Variants in CARMIL1 observed in about 807,000 individuals in gnomAD.
CARMIL1 encodes the protein capping protein regulator and myosin 1 linker 1.
In CARMIL1, 90 loss-of-function variants were observed where a neutral mutation model predicts 177.1. The ratio of observed to expected loss-of-function variants is 0.51; its 90% CI spans 0.43 to 0.61. CARMIL1 has a LOEUF of 0.61. Ranked by LOEUF, CARMIL1 falls within the 20% of genes least tolerant of loss-of-function variation. The pLI, the probability that CARMIL1 is intolerant of heterozygous loss-of-function variation, is 0.00. For synonymous variants in CARMIL1, 577 were observed against 606.2 expected (o/e 0.95, Z 0.71); for missense variants, 1,380 against 1,667.0 (o/e 0.83, Z 3.00).
chr6:25,426,374 A>G, intron 3 of CARMIL1, 127 bp from the exon 4 acceptor site: 1 of 575,628 alleles, frequency 1.7e-6, no homozygotes, highest in South Asian at 2.8e-5. Flanking sequence ...GAAGATGCCC[A>G]GTGTCTTATT....
At chr6:25,451,986 G>GGGGGGGGGGGCCCC in intron 8 of CARMIL1, 2 of 112,670 alleles carry the variant, frequency 1.8e-5, no homozygotes, top group Non-Finnish European at 3.5e-5. Flanking sequence ...CTAGCATCTT[G>GGGGGGGGGGGCCCC]CCCCCCCCTC....
intron 35 of CARMIL1, among the ~76,000 whole-genome samples, chr6:25,607,150 C>CA (rs1296007042): frequency 6.7e-6 from 1 of 150,250 alleles, no homozygotes; most frequent in African/African-American, 2.5e-5. Flanking sequence ...CACCCTATCT[C>CA]AAAAAAACCA....
At chr6:25,333,050 G>T (rs1209545358) in intron 2 of CARMIL1, among the ~76,000 whole-genome samples, 1 of 152,138 alleles carries the variant, frequency 6.6e-6, no homozygotes, top group Non-Finnish European at 1.5e-5. Context: ...TGTGATTCCT[G>T]CTACGTGGAG....
At chr6:25,388,572 G>T (rs1416511829) in intron 2 of CARMIL1, among the ~76,000 whole-genome samples, 3 of 152,122 alleles carry the variant, frequency 2.0e-5, no homozygotes, top group Non-Finnish European at 4.4e-5. Context: ...CACCATGTTG[G>T]CCAGGCTGGT....
At chr6:25,604,265 A>G (rs11757420) in intron 33 of CARMIL1, among the ~76,000 whole-genome samples, 16,320 of 151,882 alleles carry the variant, frequency 0.11, 879 homozygotes, top group East Asian at 0.18. Flanking sequence ...TTTTGCAGAG[A>G]TGGGGGGTCT....
rs1156537387 is a variant in CARMIL1, at chr6:25,554,811, T to G, written c.2592+715T>G. ...CAATGTTTCCTTCAAGAAAAATAAT[T>G]CTTCAATGTTTTCTTAACTGTGCGG... On this transcript the variant is annotated intron_variant, in intron 28 of 36. Transcript: ENST00000329474. The surrounding 1 kb of genome is among the most constrained non-coding windows in gnomAD (Gnocchi z 4.6). 6.6e-6 allele frequency among the ~76,000 whole-genome samples: 1 copy of G among 152,204 alleles called. No homozygotes were observed. The highest frequency in any genetic ancestry group is 2.4e-5 in the African/African-American group (1 of 41,456).
At chr6:25,380,896 A>G (rs1031214404) in intron 2 of CARMIL1, among the ~76,000 whole-genome samples, 1 of 152,232 alleles carries the variant, frequency 6.6e-6, no homozygotes, top group African/African-American at 2.4e-5. Flanking sequence ...TAAAGTAGCA[A>G]GAAACCTGCA....
chr6:25,528,731 C>A, intron 23 of CARMIL1, 64 bp from the exon 24 acceptor site: 2 of 1,221,754 alleles, frequency 1.6e-6, no homozygotes, highest in Non-Finnish European at 2.4e-6. Flanking sequence ...GACTGTTTCA[C>A]TTATACTTTA....
chr6:25,460,180 A>T (rs1217827538), intron 8 of CARMIL1, among the ~76,000 whole-genome samples: 3 of 152,260 alleles, frequency 2.0e-5, no homozygotes. Flanking sequence ...AGTTGGTATC[A>T]GCACAGCAGT....
At chr6:25,323,420 CAAAAAAAAAA>C (rs11288797) in intron 2 of CARMIL1, among the ~76,000 whole-genome samples, 1 of 82,378 alleles carries the variant, frequency 1.2e-5, no homozygotes, top group Non-Finnish European at 2.4e-5. Context: ...CCTGTCTCTA[CAAAAAAAAAA>C]AAAAAAAAAA....
intron 29 of CARMIL1, chr6:25,563,432 A>G: frequency 1.0e-6 from 1 of 985,396 alleles, no homozygotes; most frequent in Non-Finnish European, 1.2e-6. Context: ...ATGTGAGAGA[A>G]CCTGCCTAAA....
intron 8 of CARMIL1, 46 bp from the exon 9 acceptor site, chr6:25,465,827 G>A (rs1405376243): frequency 9.2e-7 from 1 of 1,084,350 alleles, no homozygotes; most frequent in South Asian, 1.3e-5. Context: ...TGTCAGTGTA[G>A]CTACTGTAGG....
intron 2 of CARMIL1, among the ~76,000 whole-genome samples, chr6:25,303,522 C>G (rs1478397460): frequency 1.3e-5 from 2 of 152,214 alleles, no homozygotes; most frequent in East Asian, 3.8e-4. Context: ...CTCCATTTCT[C>G]TGTTCTTAGA....
At chr6:25,549,814 TATC>T (rs2151161998) in intron 26 of CARMIL1, among the ~76,000 whole-genome samples, 1 of 152,336 alleles carries the variant, frequency 6.6e-6, no homozygotes, top group East Asian at 1.9e-4. Flanking sequence ...CTGCGTTTCT[TATC>T]ATTAAGAACA....
chr6:25,302,337 G>C (rs1449586032), intron 2 of CARMIL1, among the ~76,000 whole-genome samples: 1 of 152,226 alleles, frequency 6.6e-6, no homozygotes, highest in African/African-American at 2.4e-5. Flanking sequence ...GGTTGGCTGA[G>C]TTCCATTAGG....
chr6:25,583,111 T>C (rs1166212812), intron 31 of CARMIL1, among the ~76,000 whole-genome samples: 1 of 152,230 alleles, frequency 6.6e-6, no homozygotes, highest in African/African-American at 2.4e-5. Flanking sequence ...GAAAGAAATG[T>C]CCTTATCTCT....
At chr6:25,451,985 T>TG in intron 8 of CARMIL1, 7 of 105,382 alleles carry the variant, frequency 6.6e-5, no homozygotes, top group Admixed American at 1.2e-4. Context: ...ACTAGCATCT[T>TG]GCCCCCCCCT....
intron 24 of CARMIL1, among the ~76,000 whole-genome samples, chr6:25,535,821 T>A (rs1005671165): frequency 2.6e-5 from 4 of 152,252 alleles, no homozygotes; most frequent in African/African-American, 7.2e-5. Flanking sequence ...TTACCTTTTC[T>A]GAGCTTTGAG....
chr6:25,463,896 C>T (rs188330301), intron 8 of CARMIL1, among the ~76,000 whole-genome samples: 2,267 of 139,928 alleles, frequency 0.016, 34 homozygotes, highest in African/African-American at 0.045. Context: ...GATCTCGGCT[C>T]ACTGCAAGCT....
Sources: allele counts gnomAD v4.1 joint callset (sites outside exome capture counted in the v4.1 genomes callset), GRCh38; gene constraint gnomAD v4.1.1; non-coding constraint Gnocchi (gnomAD v3.1); transcripts MANE v1.5; gene names NCBI Gene and HGNC (gene_info 2026-07-23, HGNC 2026-07-21).